SUFU: variants seen among roughly 807,000 people sequenced by gnomAD.
SUFU encodes suppressor of fused homolog.
A neutral mutation model predicts 58.9 loss-of-function variants in SUFU; 7 were observed. The observed-to-expected ratio is 0.12, with a 90% CI of 0.07 to 0.22. SUFU has a LOEUF of 0.22. Among genes scored for constraint, SUFU ranks in the 10% least tolerant of loss-of-function variants. The pLI is 1.00. For synonymous variants in SUFU, 232 were observed against 254.8 expected (o/e 0.91, Z 0.85); for missense variants, 451 against 641.3 (o/e 0.70, Z 3.20).
At chr10:102,605,536 T>G (rs368535038) in intron 8 of SUFU, among the ~76,000 whole-genome samples, 2 of 152,306 alleles carry the variant, frequency 1.3e-5, no homozygotes. Flanking sequence ...ATTTGGTTAT[T>G]GGTGTTTACT....
chr10:102,627,911 T>G (rs1027959099), intron 11 of SUFU, among the ~76,000 whole-genome samples: 2 of 152,190 alleles, frequency 1.3e-5, no homozygotes, highest in African/African-American at 4.8e-5. Flanking sequence ...TACCTCATCC[T>G]GGAAAATCCC....
At chr10:102,503,503 G>A (rs1171527018), upstream of SUFU, among the ~76,000 whole-genome samples, 1 of 152,142 alleles carries the variant, frequency 6.6e-6, no homozygotes, top group Non-Finnish European at 1.5e-5. Context: ...GCTTTCAAAT[G>A]AGCCCAGTGC....
chr10:102,535,804 C>T (rs2062731794), intron 2 of SUFU, among the ~76,000 whole-genome samples: 2 of 152,188 alleles, frequency 1.3e-5, no homozygotes, highest in African/African-American at 4.8e-5. Flanking sequence ...CCTCTCTTGC[C>T]ATGTCCTTGG....
chr10:102,621,875 C>T (rs1362635654), intron 10 of SUFU, among the ~76,000 whole-genome samples: 3 of 152,214 alleles, frequency 2.0e-5, no homozygotes, highest in Non-Finnish European at 4.4e-5. Flanking sequence ...ATATCATTGA[C>T]CACAGACATC....
chr10:102,613,845 G>A (rs866449339), intron 8 of SUFU, among the ~76,000 whole-genome samples: 4 of 152,228 alleles, frequency 2.6e-5, no homozygotes, highest in Admixed American at 6.5e-5. Context: ...CCGCACTTTT[G>A]GTGGGGAGCA....
rs1345403982 is a variant in SUFU, at chr10:102,509,164, TG to T, written c.183-4del. 1 of 1,613,952 alleles carries T rather than the reference TG, an allele frequency of 6.2e-7. No homozygotes were observed. Among genetic ancestry groups the T allele is most frequent in the Non-Finnish European group, 8.5e-7 (1 of 1,180,038 alleles). ...ACTAACACCCCTGTGTTTTGTTTTT[TG>T]CAGGTTGGGTGGCCCAGACCCCTTG... On this transcript the variant is annotated splice_region_variant and splice_polypyrimidine_tract_variant and intron_variant, in intron 1 of 11. Transcript: ENST00000369902.
intron 2 of SUFU, among the ~76,000 whole-genome samples, chr10:102,541,875 ATTTTTTTTTT>A (rs58231037): frequency 1.2e-5 from 1 of 86,536 alleles, no homozygotes; most frequent in African/African-American, 4.8e-5. Context: ...TGCCCGGCTA[ATTTTTTTTTT>A]TTTTTTTTTT....
At chr10:102,586,445 G>A (rs1447787261) in intron 3 of SUFU, among the ~76,000 whole-genome samples, 7 of 151,902 alleles carry the variant, frequency 4.6e-5, no homozygotes, top group African/African-American at 9.7e-5. Context: ...AGGCCGAGGC[G>A]GGTGGATCAT....
At chr10:102,509,603 C>G (rs113618093) in intron 2 of SUFU, among the ~76,000 whole-genome samples, 19 of 152,222 alleles carry the variant, frequency 1.2e-4, no homozygotes, top group African/African-American at 4.3e-4. Flanking sequence ...TGGGCTGATG[C>G]CTCTGTGTCT....
chr10:102,557,016 G>GA (rs1284437578), intron 3 of SUFU, among the ~76,000 whole-genome samples: 1 of 151,984 alleles, frequency 6.6e-6, no homozygotes, highest in Non-Finnish European at 1.5e-5. Context: ...GAATCACTTT[G>GA]AACCTGGGAG....
intron 8 of SUFU, among the ~76,000 whole-genome samples, chr10:102,603,200 C>T (rs1340922112): frequency 6.6e-6 from 1 of 152,126 alleles, no homozygotes; most frequent in Non-Finnish European, 1.5e-5. Flanking sequence ...CTCCTTCTGT[C>T]ACCCAGGCTG....
intron 3 of SUFU, among the ~76,000 whole-genome samples, chr10:102,563,018 T>C: frequency 6.6e-6 from 1 of 152,128 alleles, no homozygotes; most frequent in East Asian, 1.9e-4. Context: ...GATGAGGCGA[T>C]AGGGAGGTGA....
In SUFU at chr10:102,630,823, TG is replaced by T. The variant is rs2063831209; in HGVS notation, c.*670del. 4.2e-6 allele frequency: 1 copy of T among 238,480 alleles called. No individual in the cohort carries two copies. The highest frequency in any genetic ancestry group is 8.3e-6 in the Non-Finnish European group (1 of 121,154). The allele number at this position is 238,480 out of a possible 1,614,324, so 14.8% of individuals were successfully genotyped here. On this transcript the variant is annotated 3_prime_UTR_variant, in exon 12 of 12. Transcript: ENST00000369902. ...CTGGGCTGCCACCAGAGAAGGTGCT[TG>T]GTGTTCGCCTGCCAGCCCAGAGCCC...
chr10:102,548,993 C>T (rs1010855487), intron 2 of SUFU, among the ~76,000 whole-genome samples: 1 of 152,156 alleles, frequency 6.6e-6, no homozygotes, highest in African/African-American at 2.4e-5. Context: ...TCAGGAAGAG[C>T]TTGTGCTAAT....
At position 102,600,082 on chromosome 10, in the gene SUFU, C is replaced by T. The variant is rs564470321; in HGVS notation, c.1022+538C>T. ...GGCCTCTGCTGCCTGTCCAGGGGCCCCTGTAGCCCTCCGGAGAGACTGTGG... is the reference window on the plus strand; with the variant it reads ...GGCCTCTGCTGCCTGTCCAGGGGCCTCTGTAGCCCTCCGGAGAGACTGTGG... On this transcript the variant is annotated intron_variant, in intron 8 of 11. Coordinates refer to ENST00000369902, the MANE Select transcript of SUFU (RefSeq NM_016169.4). Among the ~76,000 whole-genome samples, 3 of 152,230 alleles carry T rather than the reference C, an allele frequency of 2.0e-5. No individual in the cohort carries two copies. In the South Asian group the frequency reaches 6.2e-4, roughly 32 times the overall value.
chr10:102,505,066 A>T (rs961623416), intron 1 of SUFU, among the ~76,000 whole-genome samples: 1 of 152,144 alleles, frequency 6.6e-6, no homozygotes, highest in African/African-American at 2.4e-5. Context: ...AGAGAGAACC[A>T]TGGTTTGGCT....
At chr10:102,598,400 C>T (rs1234539146) in intron 7 of SUFU, among the ~76,000 whole-genome samples, 1 of 152,194 alleles carries the variant, frequency 6.6e-6, no homozygotes, top group African/African-American at 2.4e-5. Flanking sequence ...AAACAATCCA[C>T]CCGCCTCAGC....
intron 8 of SUFU, among the ~76,000 whole-genome samples, chr10:102,612,827 AG>A (rs2063640672): frequency 1.3e-5 from 2 of 152,200 alleles, no homozygotes; most frequent in Non-Finnish European, 2.9e-5. Flanking sequence ...CCTAAGCCTC[AG>A]TTACCTCCTC....
At chr10:102,508,175 T>A (rs1409561112) in intron 1 of SUFU, among the ~76,000 whole-genome samples, 2 of 152,104 alleles carry the variant, frequency 1.3e-5, no homozygotes, top group Non-Finnish European at 2.9e-5. Flanking sequence ...GGTTTCACCA[T>A]GTTGGCCAGG....
Sources: gnomAD v4.1 joint callset for allele counts (sites outside exome capture counted in the v4.1 genomes callset) on GRCh38, gnomAD v4.1.1 for gene constraint, MANE v1.5 for transcripts, NCBI Gene and HGNC (gene_info 2026-07-23, HGNC 2026-07-21) for gene names.